The following BICC1 variants were observed in gnomAD, a reference collection of about 807,000 sequenced individuals.
The protein encoded by BICC1 is BicC family RNA binding protein 1.
A neutral mutation model predicts 111.0 loss-of-function variants in BICC1; 43 were observed. The observed-to-expected ratio is 0.39, with a 90% confidence interval of 0.30 to 0.50. The LOEUF is 0.50. Ranked by LOEUF, BICC1 falls within the 20% of genes least tolerant of loss-of-function variation. The pLI is 0.88. For missense variants in BICC1, 1,091 were observed against 1,203.2 expected, an observed-to-expected ratio of 0.91 and a Z score of 1.38; for synonymous variants, 467 against 434.4, an observed-to-expected ratio of 1.07 and a Z score of -0.93.
intron 2 of BICC1, among the ~76,000 whole-genome samples, chr10:58,674,621 C>T (rs1839284374): frequency 6.6e-6 from 1 of 152,074 alleles, no homozygotes; most frequent in Non-Finnish European, 1.5e-5. Flanking sequence ...AGGACCAATT[C>T]AAATAGAGTA....
intron 2 of BICC1, among the ~76,000 whole-genome samples, chr10:58,698,777 CACA>C (rs1415447969): frequency 1.3e-5 from 2 of 152,236 alleles, no homozygotes; most frequent in South Asian, 2.1e-4. Context: ...CTTAAGTTCT[CACA>C]ACAACTTTAG....
chr10:58,621,763 T>C (rs1421006002), intron 2 of BICC1, among the ~76,000 whole-genome samples: 1 of 151,834 alleles, frequency 6.6e-6, no homozygotes, highest in Non-Finnish European at 1.5e-5. Flanking sequence ...CCCGGTGTGG[T>C]CGCAGATGCC....
chr10:58,625,686 C>A (rs1845967483), intron 2 of BICC1, among the ~76,000 whole-genome samples: 1 of 152,110 alleles, frequency 6.6e-6, no homozygotes, highest in Non-Finnish European at 1.5e-5. Context: ...TGTTTTTAGA[C>A]AAACATTACT....
At chr10:58,638,110 T>G (rs1564525236) in intron 2 of BICC1, among the ~76,000 whole-genome samples, 1 of 152,142 alleles carries the variant, frequency 6.6e-6, no homozygotes, top group Non-Finnish European at 1.5e-5. Flanking sequence ...AAGAATGTAA[T>G]TTTAACTAAT....
intron 1 of BICC1, among the ~76,000 whole-genome samples, chr10:58,618,564 A>G (rs1181027233): frequency 6.6e-6 from 1 of 152,076 alleles, no homozygotes; most frequent in Non-Finnish European, 1.5e-5. Flanking sequence ...ACAACTCCCC[A>G]TGATTCCTCG....
At chr10:58,646,377 A>G (rs1321574491) in intron 2 of BICC1, among the ~76,000 whole-genome samples, 1 of 152,220 alleles carries the variant, frequency 6.6e-6, no homozygotes, top group East Asian at 1.9e-4. Flanking sequence ...TAGTGGTAGT[A>G]AATGACCTAT....
intron 1 of BICC1, among the ~76,000 whole-genome samples, chr10:58,606,368 G>A (rs1465819609): frequency 6.7e-6 from 1 of 148,652 alleles, no homozygotes; most frequent in African/African-American, 2.5e-5. Context: ...ACTTAATTGT[G>A]GGTTTAGCCA....
chr10:58,700,964 T>G (rs1840215360), intron 2 of BICC1, among the ~76,000 whole-genome samples: 1 of 152,236 alleles, frequency 6.6e-6, no homozygotes, highest in Admixed American at 6.5e-5. Flanking sequence ...AAAATGCATC[T>G]GTGGGCTTAC....
At position 58,513,017 on chromosome 10, in the gene BICC1, T is replaced by G. The variant is rs1228435081; in HGVS notation, c.-127T>G. On this transcript the variant is annotated 5_prime_UTR_variant, in exon 1 of 21. Transcript: ENST00000373886. ...GGCGGCGGCGGCGTTGGCGGTGGCGTCGGCGGCTGCAGGGGGACGAGCTAG... is the reference window on the plus strand; with the variant it reads ...GGCGGCGGCGGCGTTGGCGGTGGCGGCGGCGGCTGCAGGGGGACGAGCTAG... 1 of 624,060 alleles carries G rather than the reference T, an allele frequency of 1.6e-6. No homozygotes were observed. The highest frequency in any genetic ancestry group is 2.0e-5 in the African/African-American group (1 of 50,778). 38.7% of individuals were successfully genotyped at this position (624,060 alleles called of 1,614,324 possible).
intron 1 of BICC1, among the ~76,000 whole-genome samples, chr10:58,523,508 T>G (rs927075874): frequency 2.6e-5 from 4 of 152,180 alleles, no homozygotes; most frequent in African/African-American, 7.2e-5. Flanking sequence ...CAACAAAGCT[T>G]CATGCTAAAA....
At chr10:58,817,954 G>A (rs980248885) in intron 19 of BICC1, among the ~76,000 whole-genome samples, 19 of 152,248 alleles carry the variant, frequency 1.2e-4, no homozygotes, top group African/African-American at 4.6e-4. Flanking sequence ...ATGTACAATA[G>A]CTGTCTAACA....
intron 2 of BICC1, among the ~76,000 whole-genome samples, chr10:58,642,048 T>C (rs1166862284): frequency 1.3e-5 from 2 of 152,326 alleles, no homozygotes; most frequent in Non-Finnish European, 2.9e-5. Context: ...TGCTGCAAGT[T>C]TATAGTAAAA....
At position 58,801,027 on chromosome 10, in the gene BICC1, A is replaced by C. The variant is rs200911927; in HGVS notation, c.1996A>C (p.Thr666Pro). The change falls in exon 14 of 21, where the codon ACG (threonine) becomes CCG (proline). Residue 666 changes from threonine (T) to proline (P), a missense_variant. Thr to Pro is a conservative substitution (Grantham distance 38). This residue lies in a region of BICC1 where 843 missense variants were observed against 900.8 expected (regional missense o/e 0.94). Transcript: ENST00000373886. ...GCAGACAGTGGAACTATTGCAAGGC[A>C]CGAAAAACTCACACTTACAGTATGT... ...KRQTVELLQG[T>P]KNSHLHSTDR... 8.1e-6 allele frequency: 13 copies of C among 1,607,684 alleles called. No individual in the cohort carries two copies. Among genetic ancestry groups the C allele is most frequent in the Middle Eastern group, 1.7e-4 (1 of 6,046 alleles).
intron 1 of BICC1, among the ~76,000 whole-genome samples, chr10:58,566,474 G>A (rs1462019020): frequency 6.6e-6 from 1 of 152,144 alleles, no homozygotes; most frequent in Non-Finnish European, 1.5e-5. Context: ...GCATGTGCAA[G>A]TATCCTTTTT....
intron 9 of BICC1, among the ~76,000 whole-genome samples, chr10:58,794,649 C>T (rs905678953): frequency 3.3e-5 from 5 of 152,016 alleles, no homozygotes; most frequent in Admixed American, 2.6e-4. Context: ...TGAACTCCTG[C>T]GCTCAAGCAA....
chr10:58,727,758 G>T (rs1263739482), intron 3 of BICC1, among the ~76,000 whole-genome samples: 1 of 152,178 alleles, frequency 6.6e-6, no homozygotes, highest in Non-Finnish European at 1.5e-5. Flanking sequence ...TCAGTTAATA[G>T]CTTCTTCTTA....
At chr10:58,715,354 A>G (rs906379764) in intron 3 of BICC1, among the ~76,000 whole-genome samples, 2 of 152,218 alleles carry the variant, frequency 1.3e-5, no homozygotes, top group Non-Finnish European at 2.9e-5. Context: ...TGGCTCTGTG[A>G]TCTATGCAAA....
At chr10:58,707,385 T>C (rs975525327) in intron 3 of BICC1, among the ~76,000 whole-genome samples, 3 of 152,118 alleles carry the variant, frequency 2.0e-5, no homozygotes, top group African/African-American at 4.8e-5. Context: ...TGGCAGGGCA[T>C]GGCATGCTGG....
chr10:58,613,764 G>A (rs1172772250), intron 1 of BICC1, among the ~76,000 whole-genome samples: 1 of 152,170 alleles, frequency 6.6e-6, no homozygotes, highest in African/African-American at 2.4e-5. Flanking sequence ...CTCTGGGAAA[G>A]TTGCTAGGAG....
Sources: allele counts gnomAD v4.1 joint callset (sites outside exome capture counted in the v4.1 genomes callset), GRCh38; gene constraint gnomAD v4.1.1; regional missense constraint gnomAD v4.1.1; transcripts MANE v1.5; gene names NCBI Gene and HGNC (gene_info 2026-07-23, HGNC 2026-07-21).